The following CCDC102B variants were observed in gnomAD, a reference collection of about 807,000 sequenced individuals.
CCDC102B encodes coiled-coil domain-containing protein 102B.
In CCDC102B, 75 loss-of-function variants were observed where a neutral mutation model predicts 57.4. That is an observed-to-expected ratio of 1.31 (90% confidence interval 1.08 to 1.58). The LOEUF (loss-of-function observed/expected upper bound fraction) is 1.58. Ranked by LOEUF, CCDC102B falls within the 40% of genes most tolerant of loss-of-function variation. The pLI is 0.00. For missense variants in CCDC102B, 636 were observed against 582.6 expected (o/e 1.09, Z -0.94); for synonymous variants, 206 against 201.9 (o/e 1.02, Z -0.17).
chr18:69,005,660 GATAGAGAGCAATATCCTTACAT>G (rs2051321543), intron 6 of CCDC102B, among the ~76,000 whole-genome samples: 1 of 151,568 alleles, frequency 6.6e-6, no homozygotes, highest in South Asian at 2.1e-4. Context: ...ATTAATTCTA[GATAGAGAGCAATATCCTTACAT>G]ATAACAAAAT....
chr18:68,989,170 A>G (rs662917), intron 6 of CCDC102B, among the ~76,000 whole-genome samples: 13,457 of 152,248 alleles, frequency 0.088, 1,179 homozygotes, highest in African/African-American at 0.22. Context: ...ACTAATGAAT[A>G]CCTATGCATC....
intron 5 of CCDC102B, among the ~76,000 whole-genome samples, chr18:68,893,926 C>G (rs2040160899): frequency 6.6e-6 from 1 of 152,102 alleles, no homozygotes. Context: ...ACTGCACAGA[C>G]TCTTCTTGGT....
chr18:68,993,555 ATTACT>A (rs1324226638), intron 6 of CCDC102B, among the ~76,000 whole-genome samples: 2 of 152,138 alleles, frequency 1.3e-5, no homozygotes, highest in African/African-American at 4.8e-5. Context: ...ACAATATTTC[ATTACT>A]TTATGCAAAA....
chr18:68,855,007 CTT>C (rs1222124524), intron 4 of CCDC102B, among the ~76,000 whole-genome samples: 10 of 152,158 alleles, frequency 6.6e-5, no homozygotes, highest in African/African-American at 2.2e-4. Flanking sequence ...AGGTCAGACT[CTT>C]ATTCCCAAAG....
At chr18:68,916,080 GTTTA>G (rs968896808) in intron 6 of CCDC102B, among the ~76,000 whole-genome samples, 1 of 152,016 alleles carries the variant, frequency 6.6e-6, no homozygotes, top group Non-Finnish European at 1.5e-5. Flanking sequence ...TCCTTCCTTT[GTTTA>G]TTCATGTAGT....
intron 1 of CCDC102B, among the ~76,000 whole-genome samples, chr18:68,816,837 T>A (rs201545672): frequency 1.3e-5 from 2 of 152,302 alleles, no homozygotes; most frequent in East Asian, 3.9e-4. Flanking sequence ...TATTTTAAGA[T>A]CAGTAATAAT....
At chr18:68,749,935 C>A (rs2033781131) in intron 2 of CCDC102B, among the ~76,000 whole-genome samples, 1 of 152,138 alleles carries the variant, frequency 6.6e-6, no homozygotes, top group Non-Finnish European at 1.5e-5. Flanking sequence ...CAAGTGGGAT[C>A]TAATTAAACT....
At chr18:68,753,000 T>C (rs1210582352) in intron 2 of CCDC102B, among the ~76,000 whole-genome samples, 1 of 152,190 alleles carries the variant, frequency 6.6e-6, no homozygotes, top group African/African-American at 2.4e-5. Flanking sequence ...CAGTCTGTTT[T>C]TTTTATGACT....
At position 68,889,247 on chromosome 18, in the gene CCDC102B, G is replaced by A. The variant is rs9951009; in HGVS notation, c.1054-7972G>A. 6.1e-3 allele frequency among the ~76,000 whole-genome samples: 926 copies of A among 152,192 alleles called. 8 individuals are homozygous for A. Among genetic ancestry groups the A allele is most frequent in the African/African-American group, 0.02 (850 of 41,540 alleles). On this transcript the variant is annotated intron_variant, in intron 5 of 7. Transcript: ENST00000360242. ...GAGAGCAGAGTTCTTAGGATTGGAT[G>A]AGTATCCTTATGAAAGAGGCCCAAG...
intron 2 of CCDC102B, among the ~76,000 whole-genome samples, chr18:68,779,868 C>T (rs1427040330): frequency 6.6e-6 from 1 of 152,056 alleles, no homozygotes; most frequent in Non-Finnish European, 1.5e-5. Context: ...ACATACCATA[C>T]ATTCCACCCA....
intron 1 of CCDC102B, among the ~76,000 whole-genome samples, chr18:68,818,621 G>T (rs1272354065): frequency 1.3e-5 from 2 of 152,070 alleles, no homozygotes; most frequent in Non-Finnish European, 1.5e-5. Flanking sequence ...TTATAATTGG[G>T]ATTATGCAGT....
chr18:68,814,334 A>G (rs1411219076), intron 1 of CCDC102B, among the ~76,000 whole-genome samples: 1 of 152,132 alleles, frequency 6.6e-6, no homozygotes, highest in Non-Finnish European at 1.5e-5. Flanking sequence ...AGCCAGAAAT[A>G]TTTATTCAAT....
chr18:68,717,078 A>AT, intron 2 of CCDC102B, among the ~76,000 whole-genome samples: 1 of 145,230 alleles, frequency 6.9e-6, no homozygotes. Flanking sequence ...CTCTGTTTCA[A>AT]AAAAAAAAAA....
intron 6 of CCDC102B, among the ~76,000 whole-genome samples, chr18:69,005,115 T>A (rs1402296528): frequency 6.6e-6 from 1 of 152,204 alleles, no homozygotes; most frequent in Non-Finnish European, 1.5e-5. Context: ...ATAATGTGTT[T>A]AACTTGAGTG....
intron 6 of CCDC102B, among the ~76,000 whole-genome samples, chr18:68,964,426 ATTTC>A (rs2050120678): frequency 6.8e-6 from 1 of 147,040 alleles, no homozygotes; most frequent in Non-Finnish European, 1.5e-5. Flanking sequence ...TTTTAACTCT[ATTTC>A]TTTGGATGAA....
rs1394821816 is a variant in CCDC102B, at chr18:68,810,695, T to A, written c.-16+12514T>A. On this transcript the variant is annotated intron_variant, in intron 1 of 7. Coordinates refer to ENST00000360242, the MANE Select transcript of CCDC102B (RefSeq NM_024781.3). ...TCTTTTCTTTGTTTTTTTTTTTTTT[T>A]TTTTTTTTTTTTATGCTTTAAGTTC... is the stretch of plus-strand genomic sequence containing the variant. Among the ~76,000 whole-genome samples the A allele has an allele frequency of 1.8e-3, 260 of 143,390 alleles. 5 individuals are homozygous for A. The highest frequency in any genetic ancestry group is 6.9e-3 in the African/African-American group (257 of 37,360). The allele number at this position is 143,390 out of a possible 152,430, so 94.1% of individuals were successfully genotyped here.
intron 2 of CCDC102B, among the ~76,000 whole-genome samples, chr18:68,748,411 C>CAGGA (rs1281313350): frequency 1.3e-5 from 2 of 152,062 alleles, no homozygotes; most frequent in Non-Finnish European, 2.9e-5. Flanking sequence ...CATGAGCAAA[C>CAGGA]AGGATGAGTG....
chr18:68,914,997 C>G (rs962072412), intron 6 of CCDC102B, among the ~76,000 whole-genome samples: 7 of 120,320 alleles, frequency 5.8e-5, no homozygotes, highest in East Asian at 2.6e-4. Context: ...GAGAGAGAGA[C>G]AGACAGAAAG....
chr18:68,716,789 C>G (rs942702822), intron 2 of CCDC102B, among the ~76,000 whole-genome samples: 1 of 151,992 alleles, frequency 6.6e-6, no homozygotes, highest in African/African-American at 2.4e-5. Context: ...AAAAAATTAG[C>G]CAGATGTGGC....
Sources: allele counts gnomAD v4.1 joint callset (sites outside exome capture counted in the v4.1 genomes callset), GRCh38; gene constraint gnomAD v4.1.1; transcripts MANE v1.5; gene names NCBI Gene and HGNC (gene_info 2026-07-23, HGNC 2026-07-21).